NTAN1: variants seen among roughly 807,000 people sequenced by gnomAD.
NTAN1 encodes N-terminal asparagine amidase.
A neutral mutation model predicts 41.9 loss-of-function variants in NTAN1; 32 were observed. The observed-to-expected ratio is 0.76, with a 90% CI of 0.58 to 1.03. The LOEUF (loss-of-function observed/expected upper bound fraction) is 1.03, where lower values mean the gene tolerates loss of function less well. NTAN1 is among the 50% of genes least tolerant of loss of function. The pLI, the probability that NTAN1 is intolerant of heterozygous loss-of-function variation, is 0.00. For missense variants in NTAN1, 377 were observed against 377.5 expected (o/e 1.00, Z 0.01); for synonymous variants, 140 against 139.5 (o/e 1.00, Z -0.03).
At chr16:15,055,821 G>A in intron 1 of NTAN1, 70 bp downstream of exon 1, 4 of 837,694 alleles carry the variant, frequency 4.8e-6, no homozygotes, top group South Asian at 1.2e-4. Flanking sequence ...TGTCGCGTGA[G>A]GGGGGCGCTA....
At chr16:15,041,359 C>G (rs2043808008) in intron 6 of NTAN1, among the ~76,000 whole-genome samples, 1 of 152,082 alleles carries the variant, frequency 6.6e-6, no homozygotes, top group South Asian at 2.1e-4. Flanking sequence ...TCTGTGCACC[C>G]TGTCTGCCAC....
rs1314343276 is a variant in NTAN1 at position 15,053,973 on chromosome 16, T to A, written c.81+1918A>T. ...CCAACCTTTAATGTCTCCCTGTTGC[T>A]AAGTAGGTGAAAGGTCCATCTAAGC... is the stretch of plus-strand genomic sequence containing the variant. On this transcript the variant is annotated intron_variant, in intron 1 of 9. Transcript: ENST00000287706. Among the ~76,000 whole-genome samples, 7 of 152,298 alleles carry A rather than the reference T, an allele frequency of 4.6e-5. No individual in the cohort carries two copies. The South Asian group carries it at 1.5e-3, about 32-fold the overall frequency.
At chr16:15,044,475 A>C (rs969591822) in intron 4 of NTAN1, 68 bp from the exon 5 acceptor site, 1 of 1,014,082 alleles carries the variant, frequency 9.9e-7, no homozygotes. Context: ...TCTCACTTTG[A>C]ACTTTCATTC....
intron 7 of NTAN1, 24 bp downstream of exon 7, chr16:15,041,044 C>A: frequency 6.4e-7 from 1 of 1,553,690 alleles, no homozygotes; most frequent in Non-Finnish European, 8.9e-7. Context: ...AGACTCCAAC[C>A]CACAAAAGAT....
At chr16:15,040,177 A>C in intron 7 of NTAN1, 111 bp from the exon 8 acceptor site, 1 of 591,506 alleles carries the variant, frequency 1.7e-6, no homozygotes, top group Non-Finnish European at 3.0e-6. Context: ...AAGTGAACAG[A>C]ATGGCTCCTA....
At chr16:15,042,958 T>C (rs949694778) in intron 5 of NTAN1, among the ~76,000 whole-genome samples, 1 of 148,456 alleles carries the variant, frequency 6.7e-6, no homozygotes, top group Non-Finnish European at 1.5e-5. Flanking sequence ...TGGAGTGCAA[T>C]GGTGTGATCT....
At position 15,041,680 on chromosome 16, in the gene NTAN1, T is replaced by G. The variant is rs769478424; in HGVS notation, c.434-4A>C. ...TCTTCTTGCCTGTCAAATTCACCTA[T>G]GATGAGAATTTTAAGACCAGAAGTC... is the stretch of plus-strand genomic sequence containing the variant. On this transcript the variant is annotated splice_polypyrimidine_tract_variant and splice_region_variant and intron_variant, in intron 5 of 9. Transcript: ENST00000287706. The G allele has an allele frequency of 6.2e-7, 1 of 1,603,748 alleles. No individual in the cohort carries two copies.
rs2043656523 is a variant in NTAN1, at chr16:15,038,582, T to G, written c.745A>C (p.Ile249Leu). Residue 249 changes from isoleucine to leucine, a missense_variant, in exon 9 of 10, where the codon ATA becomes CTA. Coordinates refer to ENST00000287706, the MANE Select transcript of NTAN1 (RefSeq NM_173474.4). ...DFWLHQDDKQ[I>L]LENLSTSPLA... ...AGCCTGTAAACTCTCACCTCTAGTA[T>G]TTGCTTGTCATCTTGGTGCAACCAG... 6.4e-7 allele frequency: 1 copy of G among 1,561,098 alleles called. No homozygotes were observed. The highest frequency in any genetic ancestry group is 1.4e-5 in the African/African-American group (1 of 73,860).
chr16:15,037,904 T>TTGAA lies in NTAN1; in HGVS notation c.*123_*126dup, dbSNP rs2043588308. On this transcript the variant is annotated 3_prime_UTR_variant, in exon 10 of 10. Coordinates refer to ENST00000287706, the MANE Select transcript of NTAN1 (RefSeq NM_173474.4). ...TTGAAAGTCATTTGATGAAAGTCATTTGAAAGACACTGAGGAGGGAAGGAG... is the reference window on the plus strand; with the variant it reads ...TTGAAAGTCATTTGATGAAAGTCATTTGAATGAAAGACACTGAGGAGGGAAGGAG... The TTGAA allele has an allele frequency of 3.3e-6, 2 of 598,906 alleles. No individual in the cohort carries two copies. The highest frequency in any genetic ancestry group is 5.6e-5 in the South Asian group (2 of 36,002). 37.1% of individuals were successfully genotyped at this position (598,906 alleles called of 1,614,324 possible). A position where few individuals can be genotyped will look rare whatever the true frequency, so the allele number is the denominator to read the frequency against.
At position 15,048,115 on chromosome 16, in the gene NTAN1, A is replaced by T. The variant is rs1005136278; in HGVS notation, c.82-16T>A. 8 of 1,525,656 alleles carry T rather than the reference A, an allele frequency of 5.2e-6. No individual in the cohort carries two copies. The highest frequency in any genetic ancestry group is 2.8e-5 in the African/African-American group (2 of 71,658). 94.5% of individuals were successfully genotyped at this position (1,525,656 alleles called of 1,614,324 possible). A position where few individuals can be genotyped will look rare whatever the true frequency, so the allele number is the denominator to read the frequency against. ...TGGCTCTTTCCTGTTTAATTAAAAA[A>T]AAAATAAAATAGTGATGTAAATTAG... On this transcript the variant is annotated splice_polypyrimidine_tract_variant and intron_variant, in intron 1 of 9. Transcript: ENST00000287706.
At chr16:15,055,294 G>A (rs1035065996) in intron 1 of NTAN1, among the ~76,000 whole-genome samples, 6 of 152,294 alleles carry the variant, frequency 3.9e-5, no homozygotes, top group Admixed American at 3.3e-4. Context: ...AACAAAACCC[G>A]TGCATCAGGG....
At chr16:15,048,133 TA>T (rs2044150307) in intron 1 of NTAN1, 34 bp from the exon 2 acceptor site, 6 of 1,427,008 alleles carry the variant, frequency 4.2e-6, no homozygotes, top group Non-Finnish European at 5.9e-6. Context: ...AATAGTGATG[TA>T]AATTAGTGAG....
chr16:15,053,533 C>T (rs1332857870), intron 1 of NTAN1, among the ~76,000 whole-genome samples: 1 of 152,154 alleles, frequency 6.6e-6, no homozygotes, highest in Non-Finnish European at 1.5e-5. Flanking sequence ...TTTCACCAAA[C>T]TAAAGAATGG....
intron 1 of NTAN1, among the ~76,000 whole-genome samples, chr16:15,049,242 T>C (rs2044203880): frequency 1.3e-5 from 2 of 152,194 alleles, no homozygotes; most frequent in African/African-American, 2.4e-5. Context: ...CTGCCCAGGC[T>C]GGTCTCAAAC....
chr16:15,046,425 G>A (rs900132045), intron 4 of NTAN1, among the ~76,000 whole-genome samples: 3 of 152,180 alleles, frequency 2.0e-5, no homozygotes, highest in Admixed American at 1.3e-4. Context: ...CAGCAGGCCT[G>A]TGTCGTCGGC....
In NTAN1 at chr16:15,038,115, G is replaced by A. The variant is rs773036643; in HGVS notation, c.849C>T (p.His283=). The change falls in exon 10 of 10, where the codon CAC becomes CAT. Residue 283 remains histidine (H), a synonymous_variant. Coordinates refer to ENST00000287706, the MANE Select transcript of NTAN1 (RefSeq NM_173474.4). ...GGGCTTTATTTCCAGAAAACAGTGTGTGAGCTGGAGATGGGTGTTTTTTTA... is the reference window on the plus strand; with the variant it reads ...GGGCTTTATTTCCAGAAAACAGTGTATGAGCTGGAGATGGGTGTTTTTTTA... ...MFLKKHPSPA[H]TLFSGNKALL... The A allele has an allele frequency of 3.7e-6, 6 of 1,612,164 alleles. No individual in the cohort carries two copies. The East Asian group carries it at 1.1e-4, about 30-fold the overall frequency.
intron 4 of NTAN1, among the ~76,000 whole-genome samples, chr16:15,046,524 G>T (rs1445001843): frequency 6.6e-6 from 1 of 152,088 alleles, no homozygotes; most frequent in African/African-American, 2.4e-5. Flanking sequence ...ACTGCAGTGA[G>T]AGAGGATGAG....
chr16:15,047,795 C>A, intron 3 of NTAN1, 60 bp downstream of exon 3: 1 of 1,382,642 alleles, frequency 7.2e-7, no homozygotes. Context: ...ACGAGAAATT[C>A]AATGGTCCCA....
intron 5 of NTAN1, among the ~76,000 whole-genome samples, chr16:15,042,899 A>G (rs1474268803): frequency 4.9e-5 from 6 of 121,510 alleles, no homozygotes; most frequent in Non-Finnish European, 1.0e-4. Context: ...TGCCCAGCTA[A>G]TTTTTTTTTT....
Sources: gnomAD v4.1 joint callset for allele counts (sites outside exome capture counted in the v4.1 genomes callset) on GRCh38, gnomAD v4.1.1 for gene constraint, MANE v1.5 for transcripts, NCBI Gene and HGNC (gene_info 2026-07-23, HGNC 2026-07-21) for gene names.